The following COL25A1 variants were observed in gnomAD, a reference collection of about 807,000 sequenced individuals.
The protein encoded by COL25A1 is collagen alpha-1(XXV) chain.
COL25A1 carries 103 observed loss-of-function variants against 128.4 expected under a neutral mutation model. That is an observed-to-expected ratio of 0.80 (90% confidence interval 0.68 to 0.94). COL25A1 has a LOEUF of 0.94. Among genes scored for constraint, COL25A1 ranks in the 40% least tolerant of loss-of-function variants. The pLI is 0.00. For synonymous variants in COL25A1, 279 were observed against 277.2 expected, an observed-to-expected ratio of 1.01 and a Z score of -0.06; for missense variants, 745 against 840.0, an observed-to-expected ratio of 0.89 and a Z score of 1.40.
chr4:108,912,598 A>G (rs1049072031), intron 13 of COL25A1, among the ~76,000 whole-genome samples: 3 of 152,164 alleles, frequency 2.0e-5, no homozygotes, highest in African/African-American at 4.8e-5. Context: ...AAACAGCCCT[A>G]CAACATGTTG....
intron 31 of COL25A1, among the ~76,000 whole-genome samples, chr4:108,841,283 G>A (rs2125749916): frequency 6.6e-6 from 1 of 152,066 alleles, no homozygotes; most frequent in Admixed American, 6.5e-5. Context: ...TGCTGGAGAG[G>A]CAAAGCATTT....
chr4:108,909,361 A>G (rs1452359511), intron 13 of COL25A1, among the ~76,000 whole-genome samples: 3 of 152,232 alleles, frequency 2.0e-5, no homozygotes, highest in Non-Finnish European at 4.4e-5. Flanking sequence ...TCAGCCAGGA[A>G]CTTAATACAA....
chr4:109,058,596 T>C (rs987343551), intron 3 of COL25A1, among the ~76,000 whole-genome samples: 2 of 152,226 alleles, frequency 1.3e-5, no homozygotes, highest in African/African-American at 4.8e-5. Context: ...AATAAAATTA[T>C]GTTAATTCTT....
chr4:109,007,624 C>T (rs1030339419), intron 6 of COL25A1, among the ~76,000 whole-genome samples: 6 of 152,288 alleles, frequency 3.9e-5, no homozygotes, highest in Admixed American at 1.3e-4. Flanking sequence ...TGAGATTTCA[C>T]ATCCACTAAA....
intron 26 of COL25A1, 34 bp from the exon 27 acceptor site, chr4:108,848,837 T>C (rs1399903913): frequency 3.8e-6 from 6 of 1,562,522 alleles, no homozygotes; most frequent in Non-Finnish European, 5.3e-6. Flanking sequence ...TTGCCTCCAT[T>C]CTCATTGGTA....
intron 19 of COL25A1, among the ~76,000 whole-genome samples, chr4:108,872,852 A>G (rs928267423): frequency 2.6e-5 from 4 of 152,000 alleles, no homozygotes; most frequent in Non-Finnish European, 4.4e-5. Flanking sequence ...TTAACATGTA[A>G]TTGATTTTTA....
intron 3 of COL25A1, among the ~76,000 whole-genome samples, chr4:109,288,962 TAC>T (rs3079876): frequency 0.54 from 71,366 of 132,804 alleles, 19,427 homozygotes; most frequent in Middle Eastern, 0.65. Context: ...AAATTATATA[TAC>T]ACACACACAC....
intron 3 of COL25A1, among the ~76,000 whole-genome samples, chr4:109,150,720 A>G (rs1469523986): frequency 6.6e-6 from 1 of 152,156 alleles, no homozygotes; most frequent in Non-Finnish European, 1.5e-5. Context: ...AAAATATTAT[A>G]TACACATTTA....
At chr4:109,085,882 G>T (rs570741395) in intron 3 of COL25A1, among the ~76,000 whole-genome samples, 1 of 152,264 alleles carries the variant, frequency 6.6e-6, no homozygotes, top group Non-Finnish European at 1.5e-5. Flanking sequence ...CTTTTACCCT[G>T]AAAATAACAT....
At chr4:109,146,920 T>G (rs1216988385) in intron 3 of COL25A1, among the ~76,000 whole-genome samples, 1 of 152,244 alleles carries the variant, frequency 6.6e-6, no homozygotes, top group Non-Finnish European at 1.5e-5. Flanking sequence ...TGTATGTGTG[T>G]GTACACACAG....
At chr4:108,918,790 C>T (rs1745156391) in intron 12 of COL25A1, among the ~76,000 whole-genome samples, 1 of 152,136 alleles carries the variant, frequency 6.6e-6, no homozygotes, top group South Asian at 2.1e-4. Context: ...TATACACTGA[C>T]CAGGAACAAC....
At chr4:109,249,756 G>A (rs1434237591) in intron 3 of COL25A1, among the ~76,000 whole-genome samples, 1 of 152,064 alleles carries the variant, frequency 6.6e-6, no homozygotes, top group African/African-American at 2.4e-5. Flanking sequence ...CATTGAAACA[G>A]GCCAAATAAC....
Position 109,302,043 on chromosome 4 carries a change from C to T in COL25A1, c.-24G>A, listed in dbSNP as rs1167704015. ...ATCGTGGCGGGGTCGGCCGTCTCGGCTTCGCTTCCCACCCTCTACACCTCA... is the reference window on the plus strand; with the variant it reads ...ATCGTGGCGGGGTCGGCCGTCTCGGTTTCGCTTCCCACCCTCTACACCTCA... On this transcript the variant is annotated 5_prime_UTR_variant, in exon 2 of 38. Coordinates refer to ENST00000399132, the MANE Select transcript of COL25A1 (RefSeq NM_198721.4). The T allele has an allele frequency of 6.4e-7, 1 of 1,561,486 alleles. No individual in the cohort carries two copies. The highest frequency in any genetic ancestry group is 2.3e-5 in the East Asian group (1 of 44,444).
chr4:109,149,391 A>AT lies in COL25A1; in HGVS notation c.368-99213dup, dbSNP rs890572507. Among the ~76,000 whole-genome samples, 11 of 151,790 alleles carry AT rather than the reference A, an allele frequency of 7.2e-5. 1 individual carries two copies. Among genetic ancestry groups the AT allele is most frequent in the Admixed American group, 2.0e-4 (3 of 15,204 alleles). Reference sequence around the variant, plus strand: ...ACTATTCTTCGACGTTCACCAATGAATTTTTTTTTAAGATGGGGGTCTTAC... The same window carrying AT: ...ACTATTCTTCGACGTTCACCAATGAATTTTTTTTTTAAGATGGGGGTCTTAC... On this transcript the variant is annotated intron_variant, in intron 3 of 37. Coordinates refer to ENST00000399132, the MANE Select transcript of COL25A1 (RefSeq NM_198721.4).
At chr4:109,163,595 G>A (rs894219683) in intron 3 of COL25A1, among the ~76,000 whole-genome samples, 4 of 152,186 alleles carry the variant, frequency 2.6e-5, no homozygotes, top group Non-Finnish European at 5.9e-5. Flanking sequence ...GGCAGATTTT[G>A]GAAGCCTAAA....
At chr4:109,238,963 G>T (rs938834996) in intron 3 of COL25A1, among the ~76,000 whole-genome samples, 1 of 151,940 alleles carries the variant, frequency 6.6e-6, no homozygotes, top group African/African-American at 2.4e-5. Context: ...CTTTCTGGAT[G>T]GGAGTACTGT....
intron 3 of COL25A1, among the ~76,000 whole-genome samples, chr4:109,164,395 C>T (rs1250895993): frequency 2.1e-5 from 3 of 145,330 alleles, no homozygotes; most frequent in Non-Finnish European, 4.6e-5. Flanking sequence ...GGAGTTTGAC[C>T]TAATCAAGAA....
At chr4:109,120,681 C>T (rs901672868) in intron 3 of COL25A1, among the ~76,000 whole-genome samples, 8 of 151,954 alleles carry the variant, frequency 5.3e-5, no homozygotes, top group African/African-American at 1.9e-4. Flanking sequence ...TGGTGGCATG[C>T]ACCTGTTGTC....
chr4:109,273,500 T>C (rs1456449579), intron 3 of COL25A1, among the ~76,000 whole-genome samples: 2 of 152,202 alleles, frequency 1.3e-5, no homozygotes, highest in Non-Finnish European at 2.9e-5. Flanking sequence ...AACCTTTATA[T>C]TTCTTGTTTA....
Sources: allele counts gnomAD v4.1 joint callset (sites outside exome capture counted in the v4.1 genomes callset), GRCh38; gene constraint gnomAD v4.1.1; transcripts MANE v1.5; gene names NCBI Gene and HGNC (gene_info 2026-07-23, HGNC 2026-07-21).